Variants in SP4 observed in about 807,000 individuals in gnomAD.
SP4 encodes Sp4 transcription factor.
In SP4, 19 loss-of-function variants were observed where a neutral mutation model predicts 72.8. The ratio of observed to expected loss-of-function variants is 0.26; its 90% CI spans 0.18 to 0.38. The LOEUF (loss-of-function observed/expected upper bound fraction) is 0.38, where lower values mean the gene tolerates loss of function less well. Ranked by LOEUF, SP4 falls within the 10% of genes least tolerant of loss-of-function variation. The probability of loss-of-function intolerance (pLI) is 1.00; values close to 1 mark genes in which losing one functional copy is unlikely to be tolerated. For missense variants in SP4, 1,008 were observed against 926.3 expected (o/e 1.09, Z -1.14); for synonymous variants, 395 against 333.1 (o/e 1.19, Z -2.02).
intron 5 of SP4, among the ~76,000 whole-genome samples, chr7:21,492,389 C>A (rs936244235): frequency 1.3e-5 from 2 of 152,038 alleles, no homozygotes; most frequent in African/African-American, 4.8e-5. Flanking sequence ...TAATTCACAG[C>A]GCTCCAAAAT....
intron 3 of SP4, among the ~76,000 whole-genome samples, chr7:21,455,127 G>T (rs1783721486): frequency 6.6e-6 from 1 of 152,170 alleles, no homozygotes; most frequent in Non-Finnish European, 1.5e-5. Flanking sequence ...TGTCTTGGGG[G>T]TGGGGGCGTG....
chr7:21,428,830 A>C, intron 2 of SP4, 38 bp downstream of exon 2: 1 of 1,467,610 alleles, frequency 6.8e-7, no homozygotes, highest in African/African-American at 1.4e-5. Context: ...ATCACGACAC[A>C]TTAGGAGAGA....
chr7:21,457,832 G>A (rs1453981272), intron 3 of SP4, among the ~76,000 whole-genome samples: 3 of 151,852 alleles, frequency 2.0e-5, no homozygotes, highest in Non-Finnish European at 1.5e-5. Context: ...TTGCTCTGTT[G>A]GCCAAGACGG....
At chr7:21,465,911 C>G (rs1784153831) in intron 3 of SP4, among the ~76,000 whole-genome samples, 1 of 152,146 alleles carries the variant, frequency 6.6e-6, no homozygotes, top group East Asian at 1.9e-4. Flanking sequence ...ATCCTTCCAA[C>G]CCTATCTTTA....
chr7:21,505,345 G>A (rs1781966852), intron 5 of SP4, among the ~76,000 whole-genome samples: 1 of 152,096 alleles, frequency 6.6e-6, no homozygotes, highest in Non-Finnish European at 1.5e-5. Flanking sequence ...CTTTCTCCTA[G>A]GAAATTAAGC....
At chr7:21,482,227 A>G (rs1784708032) in intron 5 of SP4, 104 bp downstream of exon 5, 4 of 842,150 alleles carry the variant, frequency 4.7e-6, no homozygotes, top group Non-Finnish European at 7.7e-6. Context: ...CAAATGAAGG[A>G]GAAGGCATTT....
intron 5 of SP4, among the ~76,000 whole-genome samples, chr7:21,502,047 C>CG (rs1312297142): frequency 8.7e-6 from 1 of 114,868 alleles, no homozygotes; most frequent in Non-Finnish European, 1.8e-5. Context: ...GGCACCCCCC[C>CG]CCCCCCGGAA....
chr7:21,471,165 A>C (rs983760080), intron 3 of SP4: 4 of 533,492 alleles, frequency 7.5e-6, no homozygotes, highest in Admixed American at 5.8e-5. Context: ...AAGTTATAAA[A>C]CTAAGCAGGA....
chr7:21,439,620 A>G (rs991301012), intron 3 of SP4, among the ~76,000 whole-genome samples: 27 of 151,946 alleles, frequency 1.8e-4, no homozygotes, highest in African/African-American at 6.5e-4. Context: ...GCCAAGTGCA[A>G]TGGCTCATCC....
intron 5 of SP4, among the ~76,000 whole-genome samples, chr7:21,498,752 A>G (rs1326507499): frequency 1.3e-5 from 2 of 152,220 alleles, no homozygotes; most frequent in Non-Finnish European, 2.9e-5. Flanking sequence ...TTTGCATGTT[A>G]TATGTATAAT....
chr7:21,497,941 A>G (rs778075367), intron 5 of SP4, among the ~76,000 whole-genome samples: 2 of 152,176 alleles, frequency 1.3e-5, no homozygotes, highest in African/African-American at 2.4e-5. Context: ...CTGCCTATCA[A>G]TCTTAGTCGT....
At position 21,430,640 on chromosome 7, in the gene SP4, A is replaced by G; in HGVS notation, c.1475A>G (p.Gln492Arg). 6.2e-7 allele frequency: 1 copy of G among 1,614,218 alleles called. No individual in the cohort carries two copies. The highest frequency in any genetic ancestry group is 8.5e-7 in the Non-Finnish European group (1 of 1,180,046). ...CAAGTTCAGAATGCTGGGTTATCCC[A>G]ACAATTAACCATCACCCCAGTGTCT... is the stretch of plus-strand genomic sequence containing the variant. ...NLQVQNAGLS[Q>R]QLTITPVSSS... Residue 492 changes from glutamine (Q) to arginine (R), a missense_variant, in exon 3 of 6, where the codon CAA (glutamine) becomes CGA (arginine). By Grantham distance (43) the Gln-to-Arg change is conservative (BLOSUM62 1). Coordinates refer to ENST00000222584, the MANE Select transcript of SP4 (RefSeq NM_003112.5).
Position 21,430,383 on chromosome 7 carries a change from G to A in SP4, c.1218G>A (p.Gln406=), listed in dbSNP as rs1562580517. 6.2e-6 allele frequency: 10 copies of A among 1,614,058 alleles called. No homozygotes were observed. Among genetic ancestry groups the A allele is most frequent in the Non-Finnish European group, 7.6e-6 (9 of 1,180,034 alleles). ...VQIVGQPILQ[Q]IQIQQPQQQI... ...TTGTAGGCCAACCTATCTTACAGCA[G>A]ATCCAGATCCAACAGCCTCAGCAAC... The change falls in exon 3 of 6, where the codon CAG becomes CAA. Residue 406 remains glutamine, a synonymous_variant. Transcript: ENST00000222584.
At chr7:21,439,006 C>T (rs1783141767) in intron 3 of SP4, among the ~76,000 whole-genome samples, 1 of 152,112 alleles carries the variant, frequency 6.6e-6, no homozygotes, top group East Asian at 1.9e-4. Flanking sequence ...ATAAATTAAA[C>T]TTTATCACAG....
intron 5 of SP4, chr7:21,482,622 T>C: frequency 1.0e-6 from 1 of 982,670 alleles, no homozygotes; most frequent in Non-Finnish European, 1.2e-6. Flanking sequence ...AAAGCAGTTA[T>C]AAAGTGAACA....
chr7:21,481,765 T>G (rs1784695151), intron 4 of SP4, among the ~76,000 whole-genome samples, 159 bp from the exon 5 acceptor site: 1 of 152,232 alleles, frequency 6.6e-6, no homozygotes, highest in Non-Finnish European at 1.5e-5. Context: ...TTATTTTGTC[T>G]TTAACTGAAA....
intron 3 of SP4, among the ~76,000 whole-genome samples, 158 bp downstream of exon 3, chr7:21,431,001 T>C (rs555626950): frequency 9.2e-5 from 14 of 152,350 alleles, no homozygotes; most frequent in Admixed American, 3.3e-4. Flanking sequence ...CATAGCTCTG[T>C]AGTAATCAAT....
At position 21,477,218 on chromosome 7, in the gene SP4, C is replaced by T. The variant is rs1291291335; in HGVS notation, c.1818C>T (p.Gly606=). ...DQLTQVHLQQ[G]QQTSDQEVQP... is the part of the protein sequence containing the mutation. Reference sequence around the variant, plus strand: ...TCACACAAGTGCATTTGCAGCAAGGCCAGCAGACTTCTGATCAAGAGGTAC... The same window carrying T: ...TCACACAAGTGCATTTGCAGCAAGGTCAGCAGACTTCTGATCAAGAGGTAC... The change falls in exon 4 of 6, where the codon GGC becomes GGT. Residue 606 remains glycine (G), a synonymous_variant. Transcript: ENST00000222584. The T allele has an allele frequency of 6.2e-7, 1 of 1,613,998 alleles. No individual in the cohort carries two copies. The highest frequency in any genetic ancestry group is 8.5e-7 in the Non-Finnish European group (1 of 1,179,984).
At chr7:21,428,548 G>A in intron 1 of SP4, 129 bp from the exon 2 acceptor site, 2 of 1,010,596 alleles carry the variant, frequency 2.0e-6, no homozygotes, top group South Asian at 1.7e-5. Flanking sequence ...CCCTGCCGGT[G>A]TGCGTGGATC....
Sources: allele counts gnomAD v4.1 joint callset (sites outside exome capture counted in the v4.1 genomes callset), GRCh38; gene constraint gnomAD v4.1.1; transcripts MANE v1.5; gene names NCBI Gene and HGNC (gene_info 2026-07-23, HGNC 2026-07-21).